GBF1: variants seen among roughly 807,000 people sequenced by gnomAD.
GBF1 encodes the protein golgi brefeldin A resistant guanine nucleotide exchange factor 1.
In GBF1, 114 loss-of-function variants were observed where a neutral mutation model predicts 210.5. The ratio of observed to expected loss-of-function variants is 0.54; its 90% CI spans 0.47 to 0.63. The LOEUF (loss-of-function observed/expected upper bound fraction) is 0.63. GBF1 is among the 30% of genes least tolerant of loss of function. The pLI is 0.00. For synonymous variants in GBF1, 850 were observed against 889.2 expected (o/e 0.96, Z 0.78); for missense variants, 1,851 against 2,357.7 (o/e 0.79, Z 4.45).
At chr10:102,257,776 C>T (rs922221515) in intron 1 of GBF1, among the ~76,000 whole-genome samples, 9 of 150,976 alleles carry the variant, frequency 6.0e-5, no homozygotes, top group South Asian at 4.2e-4. Context: ...TAGGAGAGAG[C>T]GAGAGAGAGT....
chr10:102,364,312 C>T (rs2059788387), intron 17 of GBF1, among the ~76,000 whole-genome samples: 1 of 146,788 alleles, frequency 6.8e-6, no homozygotes, highest in Admixed American at 6.8e-5. Context: ...GCAACCTCCA[C>T]CTACCGGGTT....
intron 1 of GBF1, among the ~76,000 whole-genome samples, chr10:102,251,171 G>C (rs534690968): frequency 6.6e-6 from 1 of 152,248 alleles, no homozygotes; most frequent in South Asian, 2.1e-4. Context: ...GAAGATAGAC[G>C]TGAAAAAAGA....
At chr10:102,326,890 T>C (rs1294686632) in intron 3 of GBF1, among the ~76,000 whole-genome samples, 3 of 152,176 alleles carry the variant, frequency 2.0e-5, no homozygotes, top group Non-Finnish European at 2.9e-5. Flanking sequence ...TGTGTGGATA[T>C]ATAAGGAGAA....
chr10:102,349,679 T>C (rs894984073), intron 4 of GBF1, among the ~76,000 whole-genome samples: 6 of 152,130 alleles, frequency 3.9e-5, no homozygotes, highest in African/African-American at 1.4e-4. Context: ...GCCTGCCCTT[T>C]CCCCCTACTT....
At chr10:102,247,225 T>C (rs2070954890) in intron 1 of GBF1, among the ~76,000 whole-genome samples, 1 of 152,234 alleles carries the variant, frequency 6.6e-6, no homozygotes, top group Non-Finnish European at 1.5e-5. Context: ...CCTTATGAAA[T>C]TGAAATTTCA....
intron 8 of GBF1, 138 bp downstream of exon 8, chr10:102,353,792 C>A: frequency 3.1e-6 from 2 of 651,172 alleles, no homozygotes; most frequent in South Asian, 1.8e-5. Flanking sequence ...AGCTCTCACT[C>A]CTTTCGTGAG....
At chr10:102,331,588 G>A (rs541235702) in intron 3 of GBF1, among the ~76,000 whole-genome samples, 3 of 152,160 alleles carry the variant, frequency 2.0e-5, no homozygotes, top group African/African-American at 7.2e-5. Flanking sequence ...TTCAAGACCA[G>A]CCTGGGCAAG....
In GBF1 at chr10:102,270,655, G is replaced by A. The variant is rs577575665; in HGVS notation, c.163+10539G>A. On this transcript the variant is annotated intron_variant, in intron 3 of 39. Transcript: ENST00000369983. ...TGACATTTCACCCCTAAATACTTCA[G>A]CATGAATCCTAAATAAGGATGTTCT... Among the ~76,000 whole-genome samples the A allele has an allele frequency of 1.3e-4, 20 of 152,050 alleles. 2 individuals carry two copies. In the South Asian group the frequency reaches 4.1e-3, roughly 31 times the overall value.
intron 3 of GBF1, among the ~76,000 whole-genome samples, chr10:102,303,667 C>A (rs1440637341): frequency 2.0e-5 from 3 of 152,184 alleles, no homozygotes; most frequent in Non-Finnish European, 4.4e-5. Context: ...AGCTTCAGTT[C>A]TCCAGGCTAA....
At chr10:102,260,890 T>G (rs1487825128) in intron 3 of GBF1, among the ~76,000 whole-genome samples, 1 of 152,224 alleles carries the variant, frequency 6.6e-6, no homozygotes, top group Non-Finnish European at 1.5e-5. Context: ...AGTCTTCATG[T>G]GTTCTAGAAT....
chr10:102,328,512 C>G (rs1441331513), intron 3 of GBF1, among the ~76,000 whole-genome samples: 4 of 152,246 alleles, frequency 2.6e-5, no homozygotes, highest in African/African-American at 9.6e-5. Context: ...AAAAAGACCC[C>G]TTAGTCTTGT....
intron 3 of GBF1, among the ~76,000 whole-genome samples, chr10:102,328,683 C>T (rs576485142): frequency 1.3e-5 from 2 of 152,122 alleles, no homozygotes; most frequent in Non-Finnish European, 2.9e-5. Context: ...GTTATTGAGA[C>T]TGGGGACTGT....
At chr10:102,287,343 TC>T (rs1277975192) in intron 3 of GBF1, among the ~76,000 whole-genome samples, 2,715 of 125,814 alleles carry the variant, frequency 0.022, 44 homozygotes, top group Non-Finnish European at 0.029. Context: ...TATTTTATTT[TC>T]TTTTTTTTTT....
chr10:102,357,989 G>A (rs752250525), intron 8 of GBF1, 50 bp from the exon 9 acceptor site: 1 of 1,262,358 alleles, frequency 7.9e-7, no homozygotes, highest in Non-Finnish European at 1.2e-6. Context: ...GATTAATAGG[G>A]ATAGAGTCTT....
At chr10:102,350,372 A>G (rs546917952) in intron 4 of GBF1, among the ~76,000 whole-genome samples, 1 of 152,008 alleles carries the variant, frequency 6.6e-6, no homozygotes, top group African/African-American at 2.4e-5. Context: ...AAAAGTCTTC[A>G]ATCTGCTGTA....
rs974332034 is a variant in GBF1, at chr10:102,368,603, A to G, written c.2880-136A>G. 5.1e-5 allele frequency: 41 copies of G among 798,328 alleles called. No individual in the cohort carries two copies. The African/African-American group carries it at 6.8e-4, about 13-fold the overall frequency. The allele number at this position is 798,328 out of a possible 1,614,324, so 49.5% of individuals were successfully genotyped here. On this transcript the variant is annotated intron_variant, in intron 22 of 39. Transcript: ENST00000369983. ...GGGAGGCTGAAGCTTGGGTAGGCTC[A>G]GTCTTAAACAGAAACAAAATTAAAA... is the stretch of plus-strand genomic sequence containing the variant.
intron 33 of GBF1, among the ~76,000 whole-genome samples, chr10:102,379,073 C>G (rs1232182115): frequency 6.6e-6 from 1 of 152,240 alleles, no homozygotes; most frequent in Non-Finnish European, 1.5e-5. Context: ...GGCTCTCTCT[C>G]TCATGAGTAA....
At chr10:102,294,410 C>T in intron 3 of GBF1, among the ~76,000 whole-genome samples, 2 of 146,014 alleles carry the variant, frequency 1.4e-5, no homozygotes, top group Admixed American at 7.0e-5. Flanking sequence ...GAGACAGAGT[C>T]TTGCTCTGTC....
chr10:102,268,534 A>G (rs1009326437), intron 3 of GBF1, among the ~76,000 whole-genome samples: 7 of 152,112 alleles, frequency 4.6e-5, no homozygotes, highest in African/African-American at 1.7e-4. Flanking sequence ...TTCTGAGTAT[A>G]TGCCCAACTT....
Sources: allele counts gnomAD v4.1 joint callset (sites outside exome capture counted in the v4.1 genomes callset), GRCh38; gene constraint gnomAD v4.1.1; transcripts MANE v1.5; gene names NCBI Gene and HGNC (gene_info 2026-07-23, HGNC 2026-07-21).